The following SNURF variants were observed in gnomAD, a reference collection of about 807,000 sequenced individuals.
SNURF encodes SNRPN upstream open reading frame, also known as SNURF protein.
Under a neutral mutation model 11.6 loss-of-function variants are expected in SNURF, and 6 were observed. The observed-to-expected ratio is 0.52, with a 90% CI of 0.28 to 1.02. The LOEUF is 1.02. SNURF is among the 50% of genes least tolerant of loss of function. SNURF has a pLI of 0.09. For missense variants in SNURF, 84 were observed against 88.4 expected (o/e 0.95, Z 0.20); for synonymous variants, 29 against 31.6 (o/e 0.92, Z 0.27).
downstream of SNURF, chr15:24,978,174 C>T (rs747671288): frequency 3.1e-6 from 5 of 1,607,474 alleles, no homozygotes; most frequent in Admixed American, 8.5e-5. Context: ...GCCTTTATTT[C>T]TACCATTTTT....
At chr15:24,964,523 A>G (rs1275109248) in intron 2 of SNURF, among the ~76,000 whole-genome samples, 1 of 152,056 alleles carries the variant, frequency 6.6e-6, no homozygotes, top group Non-Finnish European at 1.5e-5. Flanking sequence ...CGAACTCCCG[A>G]CCTCAGATGA....
At chr15:24,956,200 G>C (rs981011475) in intron 1 of SNURF, among the ~76,000 whole-genome samples, 27 of 152,180 alleles carry the variant, frequency 1.8e-4, no homozygotes, top group Middle Eastern at 3.2e-3. Flanking sequence ...GATGCCTGGG[G>C]GTTACTTTTT....
chr15:24,958,438 A>T, intron 1 of SNURF, among the ~76,000 whole-genome samples: 2 of 113,088 alleles, frequency 1.8e-5, no homozygotes, highest in Admixed American at 2.0e-4. Context: ...GAGAATTGTT[A>T]CTACTTAAGG....
intron 4 of SNURF, chr15:24,976,253 G>A (rs909015038): frequency 7.7e-7 from 1 of 1,292,346 alleles, no homozygotes; most frequent in Non-Finnish European, 1.1e-6. Context: ...ATATTTTGAT[G>A]AGTGAGTGAT....
chr15:24,971,164 C>T (rs1428739262), downstream of SNURF, among the ~76,000 whole-genome samples: 2 of 152,086 alleles, frequency 1.3e-5, no homozygotes, highest in African/African-American at 2.4e-5. Context: ...CTACAGTTTC[C>T]TAAAGTTTGA....
At chr15:24,976,675 G>A (rs1396693547) in intron 5 of SNURF, among the ~76,000 whole-genome samples, 2 of 152,170 alleles carry the variant, frequency 1.3e-5, no homozygotes, top group Admixed American at 6.5e-5. Flanking sequence ...TATAAAAGAG[G>A]TGTTTTCACA....
At position 24,976,972 on chromosome 15, in the gene SNURF, C is replaced by A. The variant is rs142287541; in HGVS notation, c.*405C>A. 4.4e-4 allele frequency: 708 copies of A among 1,604,712 alleles called. 2 individuals are homozygous for A. In the African/African-American group the frequency reaches 8.5e-3, roughly 19 times the overall value. Reference sequence around the variant, plus strand: ...GAGTACCAGCTGGTGTGCCAATTCCCCAGGCCCCTGCTGGATTGGCAGGCC... The same window carrying A: ...GAGTACCAGCTGGTGTGCCAATTCCACAGGCCCCTGCTGGATTGGCAGGCC... On this transcript the variant is annotated 3_prime_UTR_variant and NMD_transcript_variant, in exon 6 of 7. Transcript: ENST00000580062.
chr15:24,972,631 T>C (rs1286559609), downstream of SNURF, among the ~76,000 whole-genome samples: 3 of 151,522 alleles, frequency 2.0e-5, no homozygotes, highest in Admixed American at 1.3e-4. Flanking sequence ...AAGATACTTT[T>C]GAATCCTTTT....
At chr15:24,970,653 G>C (rs910697344), downstream of SNURF, among the ~76,000 whole-genome samples, 1 of 152,144 alleles carries the variant, frequency 6.6e-6, no homozygotes, top group Non-Finnish European at 1.5e-5. Flanking sequence ...TATCCAACTG[G>C]ATACCTACCT....
At chr15:24,955,354 G>C (rs1471207069) in intron 1 of SNURF, among the ~76,000 whole-genome samples, 1 of 151,942 alleles carries the variant, frequency 6.6e-6, no homozygotes, top group Non-Finnish European at 1.5e-5. Flanking sequence ...GGTGGTGACT[G>C]GGAGCATGCG....
At chr15:24,959,008 A>G (rs917181393) in intron 1 of SNURF, 1 of 152,214 alleles carries the variant, frequency 6.6e-6, no homozygotes, top group African/African-American at 2.4e-5. Flanking sequence ...ATGAGCCGCT[A>G]TACCTGGCCA....
intron 1 of SNURF, among the ~76,000 whole-genome samples, chr15:24,959,467 T>G (rs772822983): frequency 5.3e-5 from 8 of 152,132 alleles, no homozygotes; most frequent in Non-Finnish European, 1.0e-4. Context: ...TAAAAAAAGG[T>G]AAATTCAGAA....
chr15:24,955,787 G>T lies in SNURF; in HGVS notation c.14+725G>T, dbSNP rs1225001681. On this transcript the variant is annotated intron_variant, in intron 1 of 2. Coordinates refer to ENST00000577949, the Ensembl canonical transcript of SNURF. Reference sequence around the variant, plus strand: ...GTATTGGCGGCGGTGGGCATTGGCAGCGGGTAGGCATGGCGGTGGTGGACT... The same window carrying T: ...GTATTGGCGGCGGTGGGCATTGGCATCGGGTAGGCATGGCGGTGGTGGACT... Among the ~76,000 whole-genome samples, 5 of 151,770 alleles carry T rather than the reference G, an allele frequency of 3.3e-5. No homozygotes were observed. The South Asian group carries it at 1.0e-3, about 32-fold the overall frequency.
At chr15:24,973,359 C>G (rs2076675194), downstream of SNURF, among the ~76,000 whole-genome samples, 2 of 152,154 alleles carry the variant, frequency 1.3e-5, no homozygotes, top group Non-Finnish European at 2.9e-5. Context: ...TCACCAAATG[C>G]ATTTCTCCTA....
At chr15:24,974,915 C>A (rs1025988601) in intron 3 of SNURF, 8 of 702,598 alleles carry the variant, frequency 1.1e-5, no homozygotes, top group Non-Finnish European at 1.8e-5. Flanking sequence ...GGTCATGATT[C>A]CACCAGTGGT....
At chr15:24,974,569 C>T (rs1199836872) in intron 3 of SNURF, 6 of 979,564 alleles carry the variant, frequency 6.1e-6, no homozygotes, top group African/African-American at 4.8e-5. Context: ...AGGATACATC[C>T]ATGGATATGG....
intron 2 of SNURF, among the ~76,000 whole-genome samples, chr15:24,965,709 C>T (rs913260324): frequency 1.3e-5 from 2 of 152,098 alleles, no homozygotes; most frequent in African/African-American, 4.8e-5. Flanking sequence ...TTATGCTAAG[C>T]TTCACATGTC....
chr15:24,970,808 G>A (rs572787625), downstream of SNURF, among the ~76,000 whole-genome samples: 1 of 151,918 alleles, frequency 6.6e-6, no homozygotes, highest in East Asian at 1.9e-4. Context: ...GTATTCTGGT[G>A]TTTTTTTGTT....
chr15:24,971,131 A>G (rs2076349151), downstream of SNURF, among the ~76,000 whole-genome samples: 1 of 152,096 alleles, frequency 6.6e-6, no homozygotes, highest in African/African-American at 2.4e-5. Context: ...TTACATTTTT[A>G]TGTAGTTTAA....
Sources: gnomAD v4.1 joint callset for allele counts (sites outside exome capture counted in the v4.1 genomes callset) on GRCh38, gnomAD v4.1.1 for gene constraint, MANE v1.5 for transcripts, NCBI Gene and HGNC (gene_info 2026-07-23, HGNC 2026-07-21) for gene names.